Variants in GPSM2 observed in about 807,000 individuals in gnomAD.
The protein encoded by GPSM2 is G protein-signaling modulator 2.
A neutral mutation model predicts 78.4 loss-of-function variants in GPSM2; 58 were observed. That is an observed-to-expected ratio of 0.74 (90% CI 0.60 to 0.92). The LOEUF (loss-of-function observed/expected upper bound fraction) is 0.92, where lower values mean the gene tolerates loss of function less well. GPSM2 is among the 40% of genes least tolerant of loss of function. The probability of loss-of-function intolerance (pLI) is 0.00; values close to 1 mark genes in which losing one functional copy is unlikely to be tolerated. For missense variants in GPSM2, 700 were observed against 815.5 expected (o/e 0.86, Z 1.73); for synonymous variants, 224 against 280.2 (o/e 0.80, Z 2.00).
chr1:108,912,266 T>C (rs1649809756), intron 10 of GPSM2, among the ~76,000 whole-genome samples: 1 of 152,168 alleles, frequency 6.6e-6, no homozygotes, highest in South Asian at 2.1e-4. Flanking sequence ...CCTAAGAATA[T>C]GAAAAGTGCT....
intron 10 of GPSM2, among the ~76,000 whole-genome samples, chr1:108,911,867 G>A (rs1167059344): frequency 6.9e-6 from 1 of 145,964 alleles, no homozygotes; most frequent in African/African-American, 2.5e-5. Context: ...CTGCAGTGGA[G>A]TCATCTCAGC....
intron 13 of GPSM2, among the ~76,000 whole-genome samples, chr1:108,922,906 G>T (rs1650834916): frequency 6.6e-6 from 1 of 152,144 alleles, no homozygotes; most frequent in Admixed American, 6.5e-5. Flanking sequence ...GAAGTGGGAG[G>T]ATCGCTTGAG....
intron 5 of GPSM2, 80 bp downstream of exon 5, chr1:108,898,181 GT>G: frequency 7.2e-7 from 1 of 1,391,508 alleles, no homozygotes; most frequent in Non-Finnish European, 1.0e-6. Flanking sequence ...TCAGTAGTAA[GT>G]TTTTAAGTTT....
At chr1:108,909,154 A>G (rs1444764229) in intron 10 of GPSM2, among the ~76,000 whole-genome samples, 1 of 152,136 alleles carries the variant, frequency 6.6e-6, no homozygotes, top group African/African-American at 2.4e-5. Flanking sequence ...ACGTATGTGT[A>G]TGTATGTATA....
chr1:108,898,884 C>T lies in GPSM2; in HGVS notation c.687C>T (p.Leu229=), dbSNP rs1648577296. The stretch of plus-strand genomic sequence containing the variant: ...ATTAAAATTGTTTGTTTCAGCGTCT[C>T]CTTATTGCAAAAGAATTTGGAGATA... ...RDAVIAHEQR[L]LIAKEFGDKA... The change falls in exon 7 of 15, where the codon CTC becomes CTT. Residue 229 remains leucine, a synonymous_variant. Coordinates refer to ENST00000264126, the MANE Select transcript of GPSM2 (RefSeq NM_013296.5). 1.2e-6 allele frequency: 2 copies of T among 1,609,098 alleles called. No homozygotes were observed. Among genetic ancestry groups the T allele is most frequent in the East Asian group, 4.5e-5 (2 of 44,802 alleles).
chr1:108,884,241 C>G (rs1401335968), intron 1 of GPSM2, among the ~76,000 whole-genome samples: 1 of 152,094 alleles, frequency 6.6e-6, no homozygotes, highest in East Asian at 1.9e-4. Flanking sequence ...TGCACCTGGC[C>G]CTAACTAGTA....
At chr1:108,879,004 A>C (rs989260595) in intron 1 of GPSM2, among the ~76,000 whole-genome samples, 8 of 152,208 alleles carry the variant, frequency 5.3e-5, no homozygotes, top group African/African-American at 1.9e-4. Context: ...ATTTGTAGGG[A>C]CAAGTTCTAC....
chr1:108,903,891 A>G (rs925207727), intron 9 of GPSM2, among the ~76,000 whole-genome samples: 1 of 152,196 alleles, frequency 6.6e-6, no homozygotes, highest in Non-Finnish European at 1.5e-5. Context: ...AATTAAAAGA[A>G]TACAATTAGC....
chr1:108,889,823 C>T (rs1409848496), intron 2 of GPSM2, among the ~76,000 whole-genome samples: 1 of 152,108 alleles, frequency 6.6e-6, no homozygotes, highest in Non-Finnish European at 1.5e-5. Flanking sequence ...TAGGGTGGCT[C>T]CTAGTCACCC....
chr1:108,898,205 A>T (rs1318095846), intron 5 of GPSM2, 104 bp downstream of exon 5: 1 of 1,137,218 alleles, frequency 8.8e-7, no homozygotes, highest in Non-Finnish European at 1.3e-6. Flanking sequence ...CAAAGATTTT[A>T]AAGTTATGAA....
intron 2 of GPSM2, among the ~76,000 whole-genome samples, chr1:108,886,836 G>T (rs1647586283): frequency 6.6e-6 from 1 of 151,924 alleles, no homozygotes; most frequent in African/African-American, 2.4e-5. Context: ...TTTTTCAGAA[G>T]AGCCCAGGAA....
rs980088218 is a variant in GPSM2, at chr1:108,900,940, A to G, written c.798-850A>G. Among the ~76,000 whole-genome samples the G allele has an allele frequency of 1.1e-4, 17 of 152,364 alleles. 2 individuals carry two copies. The highest frequency in any genetic ancestry group is 9.8e-4 in the Admixed American group (15 of 15,300). Reference sequence around the variant, plus strand: ...GTAATTATACTATTTGACAGAAATAATGGGAGGGTCATTTAAATTACTGAA... The same window carrying G: ...GTAATTATACTATTTGACAGAAATAGTGGGAGGGTCATTTAAATTACTGAA... On this transcript the variant is annotated intron_variant, in intron 7 of 14. Coordinates refer to ENST00000264126, the MANE Select transcript of GPSM2 (RefSeq NM_013296.5).
intron 3 of GPSM2, 54 bp from the exon 4 acceptor site, chr1:108,897,438 A>G: frequency 2.6e-6 from 4 of 1,514,474 alleles, no homozygotes; most frequent in Non-Finnish European, 2.7e-6. Flanking sequence ...TTTTAACACC[A>G]TTTGTATTTT....
intron 11 of GPSM2, among the ~76,000 whole-genome samples, chr1:108,917,117 G>A (rs909316227): frequency 5.3e-5 from 8 of 152,006 alleles, no homozygotes; most frequent in Admixed American, 5.2e-4. Context: ...TTTTCTTCTT[G>A]GGTTTTGGGT....
At chr1:108,922,218 A>C (rs1183489789) in intron 12 of GPSM2, among the ~76,000 whole-genome samples, 199 bp from the exon 13 acceptor site, 2 of 152,238 alleles carry the variant, frequency 1.3e-5, no homozygotes, top group Admixed American at 1.3e-4. Context: ...AAATACAGGA[A>C]TTAAAAAATG....
intron 14 of GPSM2, chr1:108,929,458 A>C (rs1651505326): frequency 1.9e-6 from 1 of 532,002 alleles, no homozygotes; most frequent in Non-Finnish European, 3.4e-6. Context: ...AAACCAATGA[A>C]GCAGCTATAC....
At chr1:108,913,787 T>C (rs145328174) in intron 10 of GPSM2, among the ~76,000 whole-genome samples, 1 of 152,312 alleles carries the variant, frequency 6.6e-6, no homozygotes, top group African/African-American at 2.4e-5. Flanking sequence ...TGAATGGATA[T>C]GGAAATTCTC....
intron 5 of GPSM2, 65 bp from the exon 6 acceptor site, chr1:108,898,577 T>A: frequency 6.7e-7 from 1 of 1,485,116 alleles, no homozygotes. Flanking sequence ...GAATTAGATA[T>A]GTAAATCACA....
intron 11 of GPSM2, among the ~76,000 whole-genome samples, chr1:108,917,918 G>A (rs1029159173): frequency 6.6e-6 from 1 of 151,558 alleles, no homozygotes; most frequent in African/African-American, 2.4e-5. Flanking sequence ...TAAAATCTGT[G>A]CATTTGACTG....
Sources: gnomAD v4.1 joint callset for allele counts (sites outside exome capture counted in the v4.1 genomes callset) on GRCh38, gnomAD v4.1.1 for gene constraint, MANE v1.5 for transcripts, NCBI Gene and HGNC (gene_info 2026-07-23, HGNC 2026-07-21) for gene names.